The following WAPL variants were observed in gnomAD, a reference collection of about 807,000 sequenced individuals.
WAPL encodes the protein WAPL cohesin release factor, also known as wings apart-like protein homolog.
Under a neutral mutation model 121.0 loss-of-function variants are expected in WAPL, and 5 were observed. The observed-to-expected ratio is 0.04, with a 90% CI of 0.02 to 0.09. The LOEUF (loss-of-function observed/expected upper bound fraction) is 0.09. Among genes scored for constraint, WAPL ranks in the 10% least tolerant of loss-of-function variants. The pLI, the probability that WAPL is intolerant of heterozygous loss-of-function variation, is 1.00. For synonymous variants in WAPL, 480 were observed against 481.5 expected, an observed-to-expected ratio of 1.00 and a Z score of 0.04; for missense variants, 999 against 1,410.8, an observed-to-expected ratio of 0.71 and a Z score of 4.68.
intron 4 of WAPL, among the ~76,000 whole-genome samples, chr10:86,492,457 T>C (rs539859206): frequency 1.8e-4 from 27 of 152,300 alleles, no homozygotes; most frequent in Admixed American, 1.6e-3. Flanking sequence ...AAATGAGATA[T>C]GTACTTTTAT....
At chr10:86,506,003 T>C (rs2132226357) in intron 2 of WAPL, among the ~76,000 whole-genome samples, 1 of 152,262 alleles carries the variant, frequency 6.6e-6, no homozygotes, top group East Asian at 1.9e-4. Flanking sequence ...ATGACAGTAA[T>C]ACCAACACTT....
At chr10:86,509,614 AGCTG>A (rs1374035621) in intron 2 of WAPL, among the ~76,000 whole-genome samples, 1 of 152,216 alleles carries the variant, frequency 6.6e-6, no homozygotes, top group Non-Finnish European at 1.5e-5. Flanking sequence ...CTAAAATAAT[AGCTG>A]GAAGGAGGCA....
At chr10:86,467,008 T>C (rs1187758070) in intron 9 of WAPL, 5 of 338,954 alleles carry the variant, frequency 1.5e-5, no homozygotes, top group Admixed American at 4.5e-5. Flanking sequence ...GCCCCTTTTT[T>C]TTCTTAAAAA....
intron 2 of WAPL, among the ~76,000 whole-genome samples, chr10:86,505,208 C>T (rs1245415436): frequency 6.7e-6 from 1 of 150,198 alleles, no homozygotes; most frequent in Non-Finnish European, 1.5e-5. Context: ...TTATGTTGCC[C>T]AGGCTGGTCT....
At chr10:86,494,092 G>A (rs1842103654) in intron 4 of WAPL, among the ~76,000 whole-genome samples, 1 of 152,112 alleles carries the variant, frequency 6.6e-6, no homozygotes, top group Non-Finnish European at 1.5e-5. Context: ...TAAAACTGCT[G>A]GTGCCTTAGC....
At position 86,500,736 on chromosome 10, in the gene WAPL, C is replaced by T. The variant is rs1485481956; in HGVS notation, c.507G>A (p.Val169=). The change falls in exon 3 of 19, where the codon GTG becomes GTA. Residue 169 remains valine (V), a synonymous_variant. Coordinates refer to ENST00000298767, the MANE Select transcript of WAPL (RefSeq NM_015045.5). ...SCNKLITSDK[V]ENFHEEHEKN... ...TTTCATGTTCTTCATGAAAATTCTC[C>T]ACTTTATCTGTAAAAATAAGTCAAA... 6.4e-7 allele frequency: 1 copy of T among 1,554,978 alleles called. No individual in the cohort carries two copies. Among genetic ancestry groups the T allele is most frequent in the African/African-American group, 1.4e-5 (1 of 72,196 alleles).
At chr10:86,507,982 A>T (rs970347688) in intron 2 of WAPL, among the ~76,000 whole-genome samples, 8 of 152,194 alleles carry the variant, frequency 5.3e-5, no homozygotes, top group Admixed American at 3.3e-4. Context: ...TATTGAGGAC[A>T]ATTCTAATAA....
rs1008917498 is a variant in WAPL at position 86,497,185 on chromosome 10, A to G, written c.1644+16T>C. On this transcript the variant is annotated intron_variant, in intron 4 of 18. Coordinates refer to ENST00000298767, the MANE Select transcript of WAPL (RefSeq NM_015045.5). The stretch of plus-strand genomic sequence containing the variant: ...AACAAATAAATAATAAAAATCACTG[A>G]CAGTGCTTTACTTACCCGTTTGGGG... The G allele has an allele frequency of 9.0e-6, 14 of 1,555,946 alleles. No homozygotes were observed. The highest frequency in any genetic ancestry group is 1.2e-5 in the Non-Finnish European group (14 of 1,136,314).
In WAPL at chr10:86,453,754, G is replaced by C. The variant is rs766842267; in HGVS notation, c.2735C>G (p.Pro912Arg). The part of the protein sequence containing the change: ...EDSICLADSK[P>R]LPHQNVTNHV... ...GTTAGTTACATTCTGGTGAGGCAGA[G>C]GCTTACTGTCAGCTAAGCATATGCT... The change falls in exon 13 of 19, where the codon CCT (proline) becomes CGT (arginine). Residue 912 changes from proline (P) to arginine (R), a missense_variant. By Grantham distance (103) the Pro-to-Arg change is moderately radical. This residue lies in a region of WAPL where 85 missense variants were observed against 133.5 expected (regional missense o/e 0.64). Transcript: ENST00000298767. The C allele has an allele frequency of 6.2e-7, 1 of 1,614,180 alleles. No individual in the cohort carries two copies. Among genetic ancestry groups the C allele is most frequent in the South Asian group, 1.1e-5 (1 of 91,082 alleles).
chr10:86,469,347 G>A (rs564065932), intron 8 of WAPL, among the ~76,000 whole-genome samples: 1 of 136,420 alleles, frequency 7.3e-6, no homozygotes, highest in African/African-American at 2.8e-5. Context: ...CCGCCTCCCA[G>A]GTTCCAGCAA....
chr10:86,453,857 A>C, intron 12 of WAPL, 26 bp from the exon 13 acceptor site: 1 of 1,469,466 alleles, frequency 6.8e-7, no homozygotes, highest in Non-Finnish European at 9.0e-7. Flanking sequence ...AATATAGACT[A>C]TTATAGTAAA....
At chr10:86,513,295 A>C (rs1242446244) in intron 2 of WAPL, among the ~76,000 whole-genome samples, 1 of 151,776 alleles carries the variant, frequency 6.6e-6, no homozygotes, top group East Asian at 1.9e-4. Context: ...TTTTATAGTG[A>C]CCTCATCCTA....
intron 16 of WAPL, 110 bp from the exon 17 acceptor site, chr10:86,443,473 A>G: frequency 1.2e-6 from 1 of 810,286 alleles, no homozygotes; most frequent in South Asian, 1.9e-5. Flanking sequence ...AAATCAACGA[A>G]TGATGCTAGG....
chr10:86,517,868 T>C lies in WAPL; in HGVS notation c.202A>G (p.Ser68Gly), dbSNP rs1489873308. 10 of 1,614,058 alleles carry C rather than the reference T, an allele frequency of 6.2e-6. 1 individual carries two copies. The highest frequency in any genetic ancestry group is 1.6e-4 in the Middle Eastern group (1 of 6,082). The change falls in exon 2 of 19, where the codon AGT becomes GGT. Residue 68 changes from serine (S) to glycine (G), a missense_variant. Transcript: ENST00000298767. ...TCAAATCCAAAAGGATCTCCAGTACTTTCTTCTTCCACTTTAGGTTTCTTC... is the reference window on the plus strand; with the variant it reads ...TCAAATCCAAAAGGATCTCCAGTACCTTCTTCTTCCACTTTAGGTTTCTTC... Reference protein sequence around the residue: ...IPKKPKVEEESTGDPFGFDSD... With the variant: ...IPKKPKVEEEGTGDPFGFDSD...
chr10:86,506,847 A>G (rs981687608), intron 2 of WAPL, among the ~76,000 whole-genome samples: 1 of 151,870 alleles, frequency 6.6e-6, no homozygotes, highest in African/African-American at 2.4e-5. Context: ...TTTGCCCTAC[A>G]CTGGACTAAG....
At chr10:86,509,764 GGT>G (rs1491248090) in intron 2 of WAPL, among the ~76,000 whole-genome samples, 7 of 92,390 alleles carry the variant, frequency 7.6e-5, no homozygotes, top group African/African-American at 3.1e-4. Context: ...GAAGCTCTTT[GGT>G]TTTTTTTTTT....
intron 4 of WAPL, among the ~76,000 whole-genome samples, chr10:86,484,890 C>T (rs1841894973): frequency 6.6e-6 from 1 of 152,182 alleles, no homozygotes; most frequent in African/African-American, 2.4e-5. Context: ...ACAATGAAAT[C>T]GCCTAATGAT....
rs375692051 is a variant in WAPL at position 86,453,202 on chromosome 10, A to G, written c.2949+18T>C. On this transcript the variant is annotated intron_variant, in intron 14 of 18. Transcript: ENST00000298767. ...ATTAGATATGATACTCATTTCTGAA[A>G]AAGTCATTTCAACTTACCAGCACTC... The G allele has an allele frequency of 1.9e-6, 3 of 1,612,514 alleles. No individual in the cohort carries two copies. The African/African-American group carries it at 4.0e-5, about 22-fold the overall frequency.
In WAPL at chr10:86,437,228, C is replaced by T. The variant is rs899845254; in HGVS notation, c.*315G>A. 9 of 242,632 alleles carry T rather than the reference C, an allele frequency of 3.7e-5. No individual in the cohort carries two copies. Among genetic ancestry groups the T allele is most frequent in the African/African-American group, 6.9e-5 (3 of 43,708 alleles). 15.0% of individuals were successfully genotyped at this position (242,632 alleles called of 1,614,324 possible). On this transcript the variant is annotated 3_prime_UTR_variant, in exon 19 of 19. Coordinates refer to ENST00000298767, the MANE Select transcript of WAPL (RefSeq NM_015045.5). ...AGCAGCACAAATTTTCCCCTTCAAA[C>T]TTGCCCAGAATAAAGCAAGAAAACA...
Sources: gnomAD v4.1 joint callset for allele counts (sites outside exome capture counted in the v4.1 genomes callset) on GRCh38, gnomAD v4.1.1 for gene constraint, gnomAD v4.1.1 regional missense constraint, MANE v1.5 for transcripts, NCBI Gene and HGNC (gene_info 2026-07-23, HGNC 2026-07-21) for gene names.